SLC41A1: variants seen among roughly 807,000 people sequenced by gnomAD.
SLC41A1 encodes the protein solute carrier family 41 member 1, also known as solute carrier family 41 (magnesium transporter), member 1.
A neutral mutation model predicts 47.3 loss-of-function variants in SLC41A1; 20 were observed. That is an observed-to-expected ratio of 0.42 (90% CI 0.30 to 0.61). The LOEUF (loss-of-function observed/expected upper bound fraction) is 0.61. SLC41A1 is among the 20% of genes least tolerant of loss of function. The pLI, the probability that SLC41A1 is intolerant of heterozygous loss-of-function variation, is 0.17. For missense variants in SLC41A1, 504 were observed against 674.1 expected, an observed-to-expected ratio of 0.75 and a Z score of 2.79; for synonymous variants, 282 against 272.7, an observed-to-expected ratio of 1.03 and a Z score of -0.34.
chr1:205,797,830 T>C, intron 7 of SLC41A1, 74 bp downstream of exon 7: 1 of 1,593,006 alleles, frequency 6.3e-7, no homozygotes, highest in Non-Finnish European at 8.6e-7. Context: ...CCACCCCATC[T>C]CTCCAGGGTT....
In SLC41A1 at chr1:205,798,820, T is replaced by C. The variant is rs1048379055; in HGVS notation, c.698-5A>G. The stretch of plus-strand genomic sequence containing the variant: ...TGACTCCAATCATGATCATACCTGG[T>C]GAGCAAGTGGGAGGAGGGGCAGGCA... On this transcript the variant is annotated splice_polypyrimidine_tract_variant and splice_region_variant and intron_variant, in intron 5 of 10. Transcript: ENST00000367137. The C allele has an allele frequency of 6.2e-7, 1 of 1,613,910 alleles. No homozygotes were observed. The highest frequency in any genetic ancestry group is 8.5e-7 in the Non-Finnish European group (1 of 1,180,014).
In SLC41A1 at chr1:205,808,317, T is replaced by C. The variant is rs191252687; in HGVS notation, c.372+1753A>G. ...CCATGGCGAAGGCCACAGGGGTTAGTGGTGTGGGCTCTAGGGTCAGATGAC... is the reference window on the plus strand; with the variant it reads ...CCATGGCGAAGGCCACAGGGGTTAGCGGTGTGGGCTCTAGGGTCAGATGAC... On this transcript the variant is annotated intron_variant, in intron 2 of 10. Coordinates refer to ENST00000367137, the MANE Select transcript of SLC41A1 (RefSeq NM_173854.6). 7.4e-4 allele frequency among the ~76,000 whole-genome samples: 113 copies of C among 152,254 alleles called. 1 individual carries two copies. Among genetic ancestry groups the C allele is most frequent in the Non-Finnish European group, 1.2e-3 (85 of 68,006 alleles).
chr1:205,810,689 T>C lies in SLC41A1; in HGVS notation c.-248A>G, dbSNP rs1656130203. ...TTCCTCACCAGACAGCCACTAGGGG[T>C]GCAGATGCCTGACTCCAACCCACCA... On this transcript the variant is annotated 5_prime_UTR_variant, in exon 2 of 11. Coordinates refer to ENST00000367137, the MANE Select transcript of SLC41A1 (RefSeq NM_173854.6). This position sits in a 1 kb window ranked among gnomAD's most constrained non-coding sequence, Gnocchi z 5.5. 2 of 566,880 alleles carry C rather than the reference T, an allele frequency of 3.5e-6. No homozygotes were observed. The highest frequency in any genetic ancestry group is 4.0e-5 in the South Asian group (2 of 49,754). 35.1% of individuals were successfully genotyped at this position (566,880 alleles called of 1,614,324 possible).
intron 3 of SLC41A1, among the ~76,000 whole-genome samples, chr1:205,800,157 C>T (rs1056736474): frequency 6.6e-6 from 1 of 152,230 alleles, no homozygotes; most frequent in Non-Finnish European, 1.5e-5. Context: ...TGGGTCAGAA[C>T]AACCCAGTCC....
Position 205,810,282 on chromosome 1 carries a change from G to C in SLC41A1, c.160C>G (p.Arg54Gly), listed in dbSNP as rs957512780. Residue 54 changes from arginine to glycine, a missense_variant, in exon 2 of 11, where the codon CGG becomes GGG. This residue lies in a region of SLC41A1 where 83 missense variants were observed against 72.5 expected (regional missense o/e 1.15). Coordinates refer to ENST00000367137, the MANE Select transcript of SLC41A1 (RefSeq NM_173854.6). This position sits in a 1 kb window ranked among gnomAD's most constrained non-coding sequence, Gnocchi z 5.5. Reference sequence around the variant, plus strand: ...TCCCGAACCCCCTTGGCGTTGGCCCGAGACTCAATCACCACCTCTACCCCA... The same window carrying C: ...TCCCGAACCCCCTTGGCGTTGGCCCCAGACTCAATCACCACCTCTACCCCA... The part of the protein sequence containing the change: ...GAGVEVVIES[R>G]ANAKGVREED... The C allele has an allele frequency of 1.2e-6, 2 of 1,614,166 alleles. No homozygotes were observed. The highest frequency in any genetic ancestry group is 1.7e-6 in the Non-Finnish European group (2 of 1,180,030).
intron 2 of SLC41A1, among the ~76,000 whole-genome samples, chr1:205,803,054 A>C (rs528536126): frequency 7.8e-4 from 119 of 152,192 alleles, no homozygotes; most frequent in African/African-American, 2.7e-3. Context: ...CTGTAATCCC[A>C]GCTACTGGGG....
At chr1:205,802,592 T>C (rs823068) in intron 2 of SLC41A1, among the ~76,000 whole-genome samples, 129,290 of 151,500 alleles carry the variant, frequency 0.85, 56,142 homozygotes, top group Non-Finnish European at 0.94. Flanking sequence ...TGGCACATGC[T>C]TGTAATCCCA....
rs1214510467 is a variant in SLC41A1, at chr1:205,810,445, A to G, written c.-4T>C. The G allele has an allele frequency of 6.2e-7, 1 of 1,614,208 alleles. No homozygotes were observed. Among genetic ancestry groups the G allele is most frequent in the Non-Finnish European group, 8.5e-7 (1 of 1,180,038 alleles). On this transcript the variant is annotated 5_prime_UTR_variant, in exon 2 of 11. Coordinates refer to ENST00000367137, the MANE Select transcript of SLC41A1 (RefSeq NM_173854.6). This position sits in a 1 kb window ranked among gnomAD's most constrained non-coding sequence, Gnocchi z 5.5. ...TCGGCTCTGGCTTAGAGGACATGAC[A>G]GGCACGGAGGAGGGGAAGGGAGAAC...
In SLC41A1 at chr1:205,798,481, G is replaced by T. The variant is rs567573764; in HGVS notation, c.844+188C>A. ...AATATACTTCTGATACTTTTCCCCT[G>T]CCCCTGATGCCTGCTTGAATTTGAG... On this transcript the variant is annotated intron_variant, in intron 6 of 10. Coordinates refer to ENST00000367137, the MANE Select transcript of SLC41A1 (RefSeq NM_173854.6). Among the ~76,000 whole-genome samples, 6 of 152,280 alleles carry T rather than the reference G, an allele frequency of 3.9e-5. No homozygotes were observed. The South Asian group carries it at 1.2e-3, about 32-fold the overall frequency.
Position 205,813,189 on chromosome 1 carries a change from G to C in SLC41A1, c.-1028C>G, listed in dbSNP as rs1259545236. On this transcript the variant is annotated 5_prime_UTR_variant, in exon 1 of 11. Transcript: ENST00000367137. ...TGGCTGCCGGTGGCAAACGTGATCT[G>C]GGGCAGACTGGGTGGCACCCCCCCC... 2 of 985,348 alleles carry C rather than the reference G, an allele frequency of 2.0e-6. No homozygotes were observed. The highest frequency in any genetic ancestry group is 2.4e-6 in the Non-Finnish European group (2 of 830,016). The allele number at this position is 985,348 out of a possible 1,614,324, so 61.0% of individuals were successfully genotyped here.
chr1:205,805,285 T>G (rs1655990135), intron 2 of SLC41A1, among the ~76,000 whole-genome samples: 1 of 152,202 alleles, frequency 6.6e-6, no homozygotes, highest in African/African-American at 2.4e-5. Context: ...CTCTCAAAGC[T>G]GCAGCTCAGG....
At chr1:205,799,685 G>T in intron 4 of SLC41A1, 74 bp downstream of exon 4, 3 of 1,506,362 alleles carry the variant, frequency 2.0e-6, no homozygotes, top group Non-Finnish European at 2.7e-6. Flanking sequence ...GCCTGCTGGG[G>T]CTGACCTAAG....
rs1466728357 is a variant in SLC41A1, at chr1:205,791,734, G to A, written c.1357-16C>T. 6.2e-7 allele frequency: 1 copy of A among 1,612,334 alleles called. No homozygotes were observed. Among genetic ancestry groups the A allele is most frequent in the Non-Finnish European group, 8.5e-7 (1 of 1,179,782 alleles). On this transcript the variant is annotated splice_polypyrimidine_tract_variant and intron_variant, in intron 10 of 10. Transcript: ENST00000367137. This position sits in a 1 kb window ranked among gnomAD's most constrained non-coding sequence, Gnocchi z 4.0. ...GAATCAGCACCTGGGGAGACAAAAGGGCCCAGCCTATAGCCATCCTCTCTC... is the reference window on the plus strand; with the variant it reads ...GAATCAGCACCTGGGGAGACAAAAGAGCCCAGCCTATAGCCATCCTCTCTC...
chr1:205,803,966 A>C (rs1402997104), intron 2 of SLC41A1, among the ~76,000 whole-genome samples: 1 of 152,180 alleles, frequency 6.6e-6, no homozygotes, highest in East Asian at 1.9e-4. Context: ...GGTGGAAGCA[A>C]GGCGCTGGGG....
Position 205,789,773 on chromosome 1 carries a change from CTG to C in SLC41A1, c.*1758_*1759del, listed in dbSNP as rs890035981. On this transcript the variant is annotated 3_prime_UTR_variant, in exon 11 of 11. Transcript: ENST00000367137. ...GTCTCTGGAGGTCTAGGGCAGGTTC[CTG>C]GGATAAGGTGCAGTGTTGGTAGAAA... 3 of 152,126 alleles carry C rather than the reference CTG, an allele frequency of 2.0e-5. No homozygotes were observed. The highest frequency in any genetic ancestry group is 2.9e-5 in the Non-Finnish European group (2 of 68,054). The allele number at this position is 152,126 out of a possible 1,614,324, so 9.4% of individuals were successfully genotyped here.
chr1:205,796,762 C>G, intron 8 of SLC41A1, 162 bp downstream of exon 8: 2 of 722,070 alleles, frequency 2.8e-6, no homozygotes, highest in Non-Finnish European at 4.8e-6. Context: ...ACTCTGCTCC[C>G]ACCTCTGTAA....
Position 205,813,073 on chromosome 1 carries a change from G to T in SLC41A1, c.-912C>A. On this transcript the variant is annotated 5_prime_UTR_variant, in exon 1 of 11. Transcript: ENST00000367137. Reference sequence around the variant, plus strand: ...GGGAGGGCAGGATATATCGCTTCGGGCCCGGCGGGGGGGCACCCGGACGGG... The same window carrying T: ...GGGAGGGCAGGATATATCGCTTCGGTCCCGGCGGGGGGGCACCCGGACGGG... The T allele has an allele frequency of 3.0e-6, 3 of 985,516 alleles. No homozygotes were observed. Among genetic ancestry groups the T allele is most frequent in the Non-Finnish European group, 3.6e-6 (3 of 829,992 alleles). The allele number at this position is 985,516 out of a possible 1,614,324, so 61.0% of individuals were successfully genotyped here. A position where few individuals can be genotyped will look rare whatever the true frequency, so the allele number is the denominator to read the frequency against.
rs2102498033 is a variant in SLC41A1 at position 205,790,178 on chromosome 1, GA to G, written c.*1354del. 1 of 152,330 alleles carries G rather than the reference GA, an allele frequency of 6.6e-6. No individual in the cohort carries two copies. The highest frequency in any genetic ancestry group is 2.4e-5 in the African/African-American group (1 of 41,560). The allele number at this position is 152,330 out of a possible 1,614,324, so 9.4% of individuals were successfully genotyped here. On this transcript the variant is annotated 3_prime_UTR_variant, in exon 11 of 11. Coordinates refer to ENST00000367137, the MANE Select transcript of SLC41A1 (RefSeq NM_173854.6). ...GTCTGGAAAGGAGAAAGAGGCAGAA[GA>G]ATCTGGCTTGAAGTAGATGCAAATA...
At chr1:205,800,786 C>G (rs1342309750) in intron 3 of SLC41A1, among the ~76,000 whole-genome samples, 167 bp downstream of exon 3, 1 of 152,132 alleles carries the variant, frequency 6.6e-6, no homozygotes, top group African/African-American at 2.4e-5. Context: ...GCAGGACACC[C>G]AGCCTGGGAT....
Sources: gnomAD v4.1 joint callset for allele counts (sites outside exome capture counted in the v4.1 genomes callset) on GRCh38, gnomAD v4.1.1 for gene constraint, gnomAD v4.1.1 regional missense constraint, Gnocchi (gnomAD v3.1) non-coding constraint, MANE v1.5 for transcripts, NCBI Gene and HGNC (gene_info 2026-07-23, HGNC 2026-07-21) for gene names.